UBE3A: variants seen among roughly 807,000 people sequenced by gnomAD.
The protein encoded by UBE3A is ubiquitin protein ligase E3A, also known as ubiquitin-protein ligase E3A.
Under a neutral mutation model 83.4 loss-of-function variants are expected in UBE3A, and 6 were observed. The ratio of observed to expected loss-of-function variants is 0.07; its 90% CI spans 0.04 to 0.14. The LOEUF is 0.14. UBE3A is among the 10% of genes least tolerant of loss of function. The pLI is 1.00. For missense variants in UBE3A, 456 were observed against 1,036.1 expected (o/e 0.44, Z 7.69); for synonymous variants, 337 against 355.4 (o/e 0.95, Z 0.58).
intron 7 of UBE3A, chr15:25,357,674 A>C (rs1374291356): frequency 1.3e-5 from 2 of 152,090 alleles, no homozygotes. Flanking sequence ...CACAGTAAAG[A>C]AAGGTTCGTT....
intron 1 of UBE3A, among the ~76,000 whole-genome samples, chr15:25,414,114 T>C (rs1258074562): frequency 2.0e-5 from 3 of 152,194 alleles, no homozygotes; most frequent in African/African-American, 7.2e-5. Flanking sequence ...ACACATCCAT[T>C]TGGATGTCTC....
At position 25,432,552 on chromosome 15, in the gene UBE3A, C is replaced by T. The variant is rs539894285; in HGVS notation, c.-165+5937G>A. Among the ~76,000 whole-genome samples, 7 of 152,238 alleles carry T rather than the reference C, an allele frequency of 4.6e-5. No homozygotes were observed. In the South Asian group the frequency reaches 1.0e-3, roughly 23 times the overall value. On this transcript the variant is annotated intron_variant, in intron 1 of 12. Transcript: ENST00000648336. Reference sequence around the variant, plus strand: ...CCTGAATTGCTGAAAGTATATACAACGGGCACACATCCAGAACTAGGAAAG... The same window carrying T: ...CCTGAATTGCTGAAAGTATATACAATGGGCACACATCCAGAACTAGGAAAG...
intron 1 of UBE3A, among the ~76,000 whole-genome samples, chr15:25,433,982 A>C (rs1050592203): frequency 2.0e-5 from 3 of 152,294 alleles, no homozygotes; most frequent in Admixed American, 2.0e-4. Context: ...AGATGGGAGG[A>C]TCACTCCAGC....
intron 6 of UBE3A, among the ~76,000 whole-genome samples, chr15:25,368,847 A>G (rs1000672988): frequency 6.6e-6 from 1 of 152,174 alleles, no homozygotes; most frequent in Non-Finnish European, 1.5e-5. Flanking sequence ...ACTGAGGAAA[A>G]TAAGACTGAG....
At chr15:25,416,637 C>G (rs1039920403) in intron 1 of UBE3A, among the ~76,000 whole-genome samples, 3 of 126,122 alleles carry the variant, frequency 2.4e-5, no homozygotes, top group Non-Finnish European at 3.3e-5. Context: ...TAGCTTAAAA[C>G]ATTCTAAAAA....
intron 4 of UBE3A, among the ~76,000 whole-genome samples, chr15:25,381,525 G>C (rs935791698): frequency 6.6e-6 from 1 of 152,218 alleles, no homozygotes; most frequent in Non-Finnish European, 1.5e-5. Flanking sequence ...AAATGTGACT[G>C]TAAGTAGAGT....
chr15:25,406,958 TA>T, intron 3 of UBE3A: 1 of 575,896 alleles, frequency 1.7e-6, no homozygotes, highest in Non-Finnish European at 2.4e-6. Flanking sequence ...ACATAACAAC[TA>T]AAAACTGGGG....
Position 25,338,889 on chromosome 15 carries a change from AATAATT to A in UBE3A, c.*242_*247del, listed in dbSNP as rs1253139346. 9 of 205,812 alleles carry A rather than the reference AATAATT, an allele frequency of 4.4e-5. No individual in the cohort carries two copies. Among genetic ancestry groups the A allele is most frequent in the Admixed American group, 4.0e-4 (7 of 17,520 alleles). The allele number at this position is 205,812 out of a possible 1,614,324, so 12.7% of individuals were successfully genotyped here. A position where few individuals can be genotyped will look rare whatever the true frequency, so the allele number is the denominator to read the frequency against. ...AATATGTAACACTTTCACGCAAAAA[AATAATT>A]ATAATAATAATAAAGGATTTGTTCA... On this transcript the variant is annotated 3_prime_UTR_variant, in exon 13 of 13. Transcript: ENST00000648336.
intron 4 of UBE3A, among the ~76,000 whole-genome samples, chr15:25,386,920 C>A (rs1187720400): frequency 6.6e-6 from 1 of 152,078 alleles, no homozygotes; most frequent in Non-Finnish European, 1.5e-5. Flanking sequence ...ACCTGCCTTG[C>A]AATAAGTGTT....
intron 1 of UBE3A, among the ~76,000 whole-genome samples, chr15:25,429,999 C>T (rs1399216084): frequency 1.2e-4 from 14 of 112,590 alleles, no homozygotes; most frequent in Admixed American, 7.8e-4. Flanking sequence ...GGCGAGACTA[C>T]ATCTCAGGAG....
At chr15:25,410,396 T>C (rs1472758176) in intron 2 of UBE3A, among the ~76,000 whole-genome samples, 2 of 152,180 alleles carry the variant, frequency 1.3e-5, no homozygotes, top group African/African-American at 4.8e-5. Context: ...ACCATACATC[T>C]GAAATATCCC....
chr15:25,347,957 C>CTGTT (rs2075957085), intron 11 of UBE3A, among the ~76,000 whole-genome samples: 2 of 151,852 alleles, frequency 1.3e-5, no homozygotes, highest in South Asian at 4.2e-4. Flanking sequence ...CAACTATATG[C>CTGTT]TGTTTACAAG....
At chr15:25,430,027 C>A (rs1170740563) in intron 1 of UBE3A, among the ~76,000 whole-genome samples, 1 of 66,222 alleles carries the variant, frequency 1.5e-5, no homozygotes, top group Admixed American at 1.9e-4. Flanking sequence ...AAAAAAAAAC[C>A]TATATATATA....
intron 1 of UBE3A, among the ~76,000 whole-genome samples, chr15:25,435,703 AATAAACTTCTGTTGTTTATAAGCC>A (rs1894855705): frequency 6.6e-6 from 1 of 152,176 alleles, no homozygotes; most frequent in African/African-American, 2.4e-5. Flanking sequence ...AACCGTGAGA[AATAAACTTCTGTTGTTTATAAGCC>A]ATGCTGTCTG....
chr15:25,408,803 T>C, intron 3 of UBE3A: 1 of 906,846 alleles, frequency 1.1e-6, no homozygotes, highest in Non-Finnish European at 1.6e-6. Context: ...AAATTTTTAA[T>C]GTTTTCTATA....
Position 25,339,053 on chromosome 15 carries a change from AT to A in UBE3A, c.*83del, listed in dbSNP as rs977517300. ...GGGACACTATCACCACCAAAAATTT[AT>A]CCCTCGTTATATTTTTAAAATTTTT... On this transcript the variant is annotated 3_prime_UTR_variant, in exon 13 of 13. Transcript: ENST00000648336. 7.2e-7 allele frequency: 1 copy of A among 1,390,820 alleles called. No individual in the cohort carries two copies. Among genetic ancestry groups the A allele is most frequent in the African/African-American group, 1.5e-5 (1 of 68,446 alleles). The allele number at this position is 1,390,820 out of a possible 1,614,324, so 86.2% of individuals were successfully genotyped here. A position where few individuals can be genotyped will look rare whatever the true frequency, so the allele number is the denominator to read the frequency against.
intron 6 of UBE3A, among the ~76,000 whole-genome samples, chr15:25,362,298 T>C (rs2078242791): frequency 6.6e-6 from 1 of 152,236 alleles, no homozygotes; most frequent in South Asian, 2.1e-4. Context: ...AACACCGATC[T>C]CTAATATTTA....
At chr15:25,407,132 G>C in intron 3 of UBE3A, 1 of 1,350,272 alleles carries the variant, frequency 7.4e-7, no homozygotes, top group Non-Finnish European at 9.8e-7. Context: ...CTCCCAGACA[G>C]AAGAGCTAAA....
At chr15:25,418,747 C>T (rs1271269816) in intron 1 of UBE3A, 1 of 152,054 alleles carries the variant, frequency 6.6e-6, no homozygotes, top group Non-Finnish European at 1.5e-5. Context: ...GAAGCCATTC[C>T]ACATGCTCTT....
Sources: allele counts gnomAD v4.1 joint callset (sites outside exome capture counted in the v4.1 genomes callset), GRCh38; gene constraint gnomAD v4.1.1; transcripts MANE v1.5; gene names NCBI Gene and HGNC (gene_info 2026-07-23, HGNC 2026-07-21).